Variants in CPXM2 observed in about 807,000 individuals in gnomAD.
CPXM2 encodes carboxypeptidase X, M14 family member 2.
In CPXM2, 66 loss-of-function variants were observed where a neutral mutation model predicts 86.1. The ratio of observed to expected loss-of-function variants is 0.77; its 90% CI spans 0.63 to 0.94. The LOEUF (loss-of-function observed/expected upper bound fraction) is 0.94, where lower values mean the gene tolerates loss of function less well. CPXM2 is among the 40% of genes least tolerant of loss of function. The pLI, the probability that CPXM2 is intolerant of heterozygous loss-of-function variation, is 0.00. For synonymous variants in CPXM2, 388 were observed against 400.2 expected (o/e 0.97, Z 0.36); for missense variants, 948 against 1,026.3 (o/e 0.92, Z 1.04).
chr10:123,936,053 C>A (rs1945716111), intron 2 of CPXM2, among the ~76,000 whole-genome samples: 1 of 109,220 alleles, frequency 9.2e-6, no homozygotes, highest in Non-Finnish European at 1.9e-5. Context: ...CCATCATCAC[C>A]ATCACCATCA....
chr10:123,933,752 A>C (rs1384590034), intron 2 of CPXM2, among the ~76,000 whole-genome samples: 2 of 151,956 alleles, frequency 1.3e-5, no homozygotes, highest in Non-Finnish European at 2.9e-5. Flanking sequence ...AAAACTAAAA[A>C]AAAAAAGGAA....
At chr10:123,755,978 A>G (rs112895960) in intron 12 of CPXM2, among the ~76,000 whole-genome samples, 94 of 152,332 alleles carry the variant, frequency 6.2e-4, no homozygotes, top group African/African-American at 2.1e-3. Flanking sequence ...CAAAGAAGGA[A>G]AAACAGACTC....
At chr10:123,770,003 G>C (rs1328999084) in intron 8 of CPXM2, among the ~76,000 whole-genome samples, 2 of 152,202 alleles carry the variant, frequency 1.3e-5, no homozygotes, top group African/African-American at 4.8e-5. Context: ...GCTGGGCGTG[G>C]TGCCTCACTC....
intron 2 of CPXM2, 103 bp downstream of exon 2, chr10:123,880,108 C>A: frequency 1.5e-6 from 1 of 663,562 alleles, no homozygotes; most frequent in Non-Finnish European, 2.7e-6. Context: ...GCCCCACACT[C>A]GGGAATCTGT....
At chr10:123,761,788 G>C in intron 11 of CPXM2, 84 bp downstream of exon 11, 1 of 1,369,940 alleles carries the variant, frequency 7.3e-7, no homozygotes, top group Non-Finnish European at 1.0e-6. Flanking sequence ...CAACAGGACA[G>C]TAGTGACACC....
chr10:123,753,953 T>A (rs1448300019), intron 13 of CPXM2, among the ~76,000 whole-genome samples: 1 of 152,190 alleles, frequency 6.6e-6, no homozygotes, highest in South Asian at 2.1e-4. Flanking sequence ...TTTCATCTAA[T>A]GACAGCATCA....
At chr10:123,784,597 C>T (rs1847008259) in intron 6 of CPXM2, among the ~76,000 whole-genome samples, 1 of 152,206 alleles carries the variant, frequency 6.6e-6, no homozygotes, top group Non-Finnish European at 1.5e-5. Flanking sequence ...AAAATAAATC[C>T]TTCAATCACC....
chr10:123,870,761 C>T (rs537400227), intron 2 of CPXM2, among the ~76,000 whole-genome samples: 8 of 152,166 alleles, frequency 5.3e-5, no homozygotes, highest in Non-Finnish European at 1.2e-4. Context: ...CAGAGAGCAG[C>T]TCTCACCCCA....
intron 4 of CPXM2, among the ~76,000 whole-genome samples, chr10:123,806,824 G>A (rs924994162): frequency 6.6e-6 from 1 of 151,964 alleles, no homozygotes; most frequent in African/African-American, 2.4e-5. Context: ...AGAACAGCAT[G>A]GGGGAAACTG....
chr10:123,748,836 G>A (rs1846017937), intron 13 of CPXM2, among the ~76,000 whole-genome samples: 1 of 152,068 alleles, frequency 6.6e-6, no homozygotes, highest in South Asian at 2.1e-4. Context: ...GCCCGAGCGA[G>A]CCACCTCCTC....
At position 123,842,436 on chromosome 10, in the gene CPXM2, T is replaced by C; in HGVS notation, c.566A>G (p.Asn189Ser). 1.9e-6 allele frequency: 3 copies of C among 1,614,212 alleles called. No individual in the cohort carries two copies. The highest frequency in any genetic ancestry group is 1.1e-5 in the South Asian group (1 of 91,082). The change falls in exon 4 of 14, where the codon AAT becomes AGT. Residue 189 changes from asparagine to serine, a missense_variant. Physicochemically the swap from Asn to Ser is conservative, Grantham distance 46. Transcript: ENST00000241305. Reference sequence around the variant, plus strand: ...CACTTCAATCCACTGCTGGAGGTCATTTCTTCCCGCGCACCACGCTCCGTC... The same window carrying C: ...CACTTCAATCCACTGCTGGAGGTCACTTCTTCCCGCGCACCACGCTCCGTC... Reference protein sequence around the residue: ...FYDGAWCAGRNDLQQWIEVDA... With the variant: ...FYDGAWCAGRSDLQQWIEVDA...
intron 5 of CPXM2, 133 bp from the exon 6 acceptor site, chr10:123,798,259 A>G (rs569838717): frequency 5.2e-6 from 4 of 762,314 alleles, no homozygotes; most frequent in East Asian, 3.1e-5. Flanking sequence ...AAAAGAAAAA[A>G]AAAAAAAAAA....
chr10:123,776,817 T>C (rs752998476), intron 7 of CPXM2: 1 of 151,814 alleles, frequency 6.6e-6, no homozygotes, highest in African/African-American at 2.4e-5. Flanking sequence ...TTTTTTAGAG[T>C]AGTGGGTTCG....
At chr10:123,794,448 C>T (rs1251859014) in intron 6 of CPXM2, among the ~76,000 whole-genome samples, 3 of 152,206 alleles carry the variant, frequency 2.0e-5, no homozygotes, top group Admixed American at 6.5e-5. Flanking sequence ...GTGCAAAGCT[C>T]ACCTGGTCCT....
At chr10:123,829,993 C>T (rs1047607262) in intron 4 of CPXM2, among the ~76,000 whole-genome samples, 1 of 149,028 alleles carries the variant, frequency 6.7e-6, no homozygotes, top group African/African-American at 2.5e-5. Context: ...ATACCCTACA[C>T]CAAAATAAAT....
At chr10:123,857,797 C>T (rs1407111922) in intron 3 of CPXM2, among the ~76,000 whole-genome samples, 3 of 152,218 alleles carry the variant, frequency 2.0e-5, no homozygotes, top group Non-Finnish European at 4.4e-5. Context: ...CACGGGACTC[C>T]GCAGCTTCCA....
intron 3 of CPXM2, among the ~76,000 whole-genome samples, chr10:123,850,382 AACC>A: frequency 6.6e-6 from 1 of 152,350 alleles, no homozygotes. Context: ...ATCTGAAGTC[AACC>A]ACAGTCTGAA....
intron 2 of CPXM2, among the ~76,000 whole-genome samples, chr10:123,863,348 G>A (rs1017264129): frequency 1.3e-5 from 2 of 152,204 alleles, no homozygotes; most frequent in African/African-American, 2.4e-5. Flanking sequence ...TAGTGAAGGC[G>A]GAGGGGTGCA....
chr10:123,906,847 C>T lies in CPXM2; in HGVS notation n.175-26538G>A, dbSNP rs567356012. On this transcript the variant is annotated intron_variant and non_coding_transcript_variant, in intron 2 of 19. Coordinates refer to the CPXM2 transcript ENST00000368854. Reference sequence around the variant, plus strand: ...ATGGAAAGCAACCCCCAAATTGTGCCGGATCAAGAGATTAGGGAGGATGTC... The same window carrying T: ...ATGGAAAGCAACCCCCAAATTGTGCTGGATCAAGAGATTAGGGAGGATGTC... Among the ~76,000 whole-genome samples the T allele has an allele frequency of 3.9e-5, 6 of 152,208 alleles. No homozygotes were observed. The East Asian group carries it at 9.6e-4, about 24-fold the overall frequency.
Sources: gnomAD v4.1 joint callset for allele counts (sites outside exome capture counted in the v4.1 genomes callset) on GRCh38, gnomAD v4.1.1 for gene constraint, MANE v1.5 for transcripts, NCBI Gene and HGNC (gene_info 2026-07-23, HGNC 2026-07-21) for gene names.